Variants in LDHA observed in about 807,000 individuals in gnomAD.
LDHA encodes the protein L-lactate dehydrogenase A chain.
Under a neutral mutation model 36.3 loss-of-function variants are expected in LDHA, and 10 were observed. The observed-to-expected ratio is 0.28, with a 90% confidence interval of 0.17 to 0.47. The LOEUF is 0.47. Among genes scored for constraint, LDHA ranks in the 20% least tolerant of loss-of-function variants. The pLI, the probability that LDHA is intolerant of heterozygous loss-of-function variation, is 0.99. For missense variants in LDHA, 267 were observed against 405.8 expected (o/e 0.66, Z 2.94); for synonymous variants, 110 against 136.7 (o/e 0.80, Z 1.36).
At position 18,400,978 on chromosome 11, in the gene LDHA, C is replaced by G. The variant is rs754439498; in HGVS notation, c.386C>G (p.Pro129Arg). The G allele has an allele frequency of 8.7e-6, 14 of 1,613,044 alleles. No individual in the cohort carries two copies. Among genetic ancestry groups the G allele is most frequent in the South Asian group, 7.7e-5 (7 of 91,044 alleles). Residue 129 changes from proline (P) to arginine (R), a missense_variant, in exon 4 of 8, where the codon CCG (proline) becomes CGG (arginine). Physicochemically the swap from Pro to Arg is moderately radical, Grantham distance 103. Coordinates refer to ENST00000422447, the MANE Select transcript of LDHA (RefSeq NM_005566.4). ...ATTCCTAATGTTGTAAAATACAGCC[C>G]GAACTGCAAGTTGCTTATTGTTTCA... is the stretch of plus-strand genomic sequence containing the variant. ...FIIPNVVKYS[P>R]NCKLLIVSNP...
intron 3 of LDHA, 173 bp from the exon 4 acceptor site, chr11:18,400,662 CTT>C (rs1776700597): frequency 1.5e-6 from 1 of 682,882 alleles, no homozygotes; most frequent in African/African-American, 1.8e-5. Context: ...AAAGTTACAA[CTT>C]GACTAAAACT....
At position 18,407,307 on chromosome 11, in the gene LDHA, C is replaced by T. The variant is rs1866726003; in HGVS notation, c.*26C>T. 1.2e-6 allele frequency: 2 copies of T among 1,612,222 alleles called. No individual in the cohort carries two copies. The highest frequency in any genetic ancestry group is 2.2e-5 in the South Asian group (2 of 91,016). ...AGTCTTCTGATGTCATATCATTTCA[C>T]TGTCTAGGCTACAACAGGATTCTAG... On this transcript the variant is annotated 3_prime_UTR_variant, in exon 8 of 8. Coordinates refer to ENST00000422447, the MANE Select transcript of LDHA (RefSeq NM_005566.4).
intron 6 of LDHA, among the ~76,000 whole-genome samples, chr11:18,404,585 G>A (rs1248947906): frequency 6.6e-6 from 1 of 152,008 alleles, no homozygotes; most frequent in Non-Finnish European, 1.5e-5. Flanking sequence ...GAGGCAGGCA[G>A]ATCACGAGGT....
At chr11:18,401,122 T>A (rs964026083) in intron 4 of LDHA, 112 bp downstream of exon 4, 12 of 440,882 alleles carry the variant, frequency 2.7e-5, no homozygotes, top group East Asian at 7.0e-5. Context: ...AATACATTTT[T>A]AAAAATATTT....
In LDHA at chr11:18,407,960, C is replaced by G. The variant is rs1433409344; in HGVS notation, c.*679C>G. The G allele has an allele frequency of 2.2e-6, 1 of 453,938 alleles. No homozygotes were observed. Among genetic ancestry groups the G allele is most frequent in the Non-Finnish European group, 4.4e-6 (1 of 226,796 alleles). 28.1% of individuals were successfully genotyped at this position (453,938 alleles called of 1,614,324 possible). ...GCAACCCTGCAACGATTTTTTCTAACAGGGATATTATTGACTAATAGCAGA... is the reference window on the plus strand; with the variant it reads ...GCAACCCTGCAACGATTTTTTCTAAGAGGGATATTATTGACTAATAGCAGA... On this transcript the variant is annotated 3_prime_UTR_variant, in exon 8 of 8. Transcript: ENST00000422447.
rs1421413910 is a variant in LDHA, at chr11:18,406,874, T to TGTG, written c.835-238_835-236dup. On this transcript the variant is annotated intron_variant, in intron 7 of 7. Transcript: ENST00000422447. ...ACTAAACATACAAAAATTAGCCAAG[T>TGTG]GTGGTGGCGCACGCCTGTAGTCCCA... is the stretch of plus-strand genomic sequence containing the variant. 7.2e-6 allele frequency: 3 copies of TGTG among 416,318 alleles called. No individual in the cohort carries two copies. The East Asian group carries it at 1.5e-4, about 21-fold the overall frequency. The allele number at this position is 416,318 out of a possible 1,614,324, so 25.8% of individuals were successfully genotyped here.
intron 7 of LDHA, 100 bp from the exon 8 acceptor site, chr11:18,407,017 A>T (rs79367445): frequency 0.025 from 14,147 of 572,534 alleles, no homozygotes; most frequent in Middle Eastern, 0.031. Flanking sequence ...AAAAAAAATT[A>T]AAAAAAAAAA....
chr11:18,397,117 G>T (rs768884477), intron 2 of LDHA, 149 bp downstream of exon 2: 1 of 713,098 alleles, frequency 1.4e-6, no homozygotes, highest in East Asian at 2.6e-5. Context: ...ACAAACTTTT[G>T]AAATATGATA....
intron 4 of LDHA, among the ~76,000 whole-genome samples, chr11:18,401,234 C>T (rs193012490): frequency 1.1e-3 from 160 of 150,640 alleles, no homozygotes; most frequent in African/African-American, 3.4e-3. Flanking sequence ...ACTGCAACCT[C>T]TGCCTCATGG....
intron 5 of LDHA, 127 bp from the exon 6 acceptor site, chr11:18,403,567 T>C (rs1465704268): frequency 6.7e-6 from 5 of 749,068 alleles, no homozygotes; most frequent in Non-Finnish European, 1.2e-5. Context: ...ATGACTACAT[T>C]AGTAGTCTTG....
intron 7 of LDHA, chr11:18,405,808 T>C (rs1016707499): frequency 2.2e-6 from 1 of 455,768 alleles, no homozygotes; most frequent in African/African-American, 2.0e-5. Context: ...TGTTCAATTA[T>C]GCTGAGGTAG....
intron 1 of LDHA, among the ~76,000 whole-genome samples, chr11:18,396,097 A>T (rs1043046886): frequency 6.6e-6 from 1 of 152,268 alleles, no homozygotes; most frequent in African/African-American, 2.4e-5. Context: ...ACTGAGCTGC[A>T]TAGCTCCAGA....
intron 1 of LDHA, among the ~76,000 whole-genome samples, chr11:18,395,949 C>G (rs1590210901): frequency 6.6e-6 from 1 of 152,354 alleles, no homozygotes; most frequent in Middle Eastern, 3.4e-3. Context: ...GCCCTGGTTT[C>G]TAGTATTGCG....
intron 7 of LDHA, 35 bp downstream of exon 7, chr11:18,405,607 C>T (rs781321565): frequency 1.6e-5 from 25 of 1,609,584 alleles, no homozygotes; most frequent in Non-Finnish European, 2.1e-5. Context: ...CATTTGAATG[C>T]TTTTTGCTGG....
intron 5 of LDHA, among the ~76,000 whole-genome samples, chr11:18,403,482 A>G (rs533687086): frequency 6.6e-6 from 1 of 152,348 alleles, no homozygotes; most frequent in African/African-American, 2.4e-5. Context: ...TGGCTAGAGA[A>G]ACAGGTTAGA....
Position 18,403,125 on chromosome 11 carries a change from G to T in LDHA, c.592+112G>T, listed in dbSNP as rs1171043117. ...AATATCCATTCAGTAGGATGGAATG[G>T]TTTCCCGAAATCTAGCATTTTGTAT... On this transcript the variant is annotated intron_variant, in intron 5 of 7. Coordinates refer to ENST00000422447, the MANE Select transcript of LDHA (RefSeq NM_005566.4). 4.5e-6 allele frequency: 4 copies of T among 881,218 alleles called. No individual in the cohort carries two copies. The East Asian group carries it at 1.1e-4, about 23-fold the overall frequency. 54.6% of individuals were successfully genotyped at this position (881,218 alleles called of 1,614,324 possible).
intron 4 of LDHA, 63 bp from the exon 5 acceptor site, chr11:18,402,777 G>A (rs1226072471): frequency 1.6e-5 from 19 of 1,225,738 alleles, no homozygotes; most frequent in Non-Finnish European, 4.8e-6. Context: ...TTCATAGTAG[G>A]TATATCTTTT....
chr11:18,400,550 C>A, intron 3 of LDHA: 1 of 404,980 alleles, frequency 2.5e-6, no homozygotes. Flanking sequence ...AGAGTGTGAA[C>A]GTTGAGCTTG....
chr11:18,401,095 T>C (rs1008730439), intron 4 of LDHA, 85 bp downstream of exon 4: 4 of 507,468 alleles, frequency 7.9e-6, no homozygotes, highest in Non-Finnish European at 1.2e-5. Context: ...TTTTAAATAT[T>C]TTGAAATATT....
Sources: allele counts gnomAD v4.1 joint callset (sites outside exome capture counted in the v4.1 genomes callset), GRCh38; gene constraint gnomAD v4.1.1; transcripts MANE v1.5; gene names NCBI Gene and HGNC (gene_info 2026-07-23, HGNC 2026-07-21).